ADAMTS17: variants seen among roughly 807,000 people sequenced by gnomAD.
The protein encoded by ADAMTS17 is A disintegrin and metalloproteinase with thrombospondin motifs 17.
A neutral mutation model predicts 141.5 loss-of-function variants in ADAMTS17; 113 were observed. The ratio of observed to expected loss-of-function variants is 0.80; its 90% CI spans 0.69 to 0.93. ADAMTS17 has a LOEUF of 0.93. Among genes scored for constraint, ADAMTS17 ranks in the 40% least tolerant of loss-of-function variants. The pLI is 0.00. For missense variants in ADAMTS17, 1,659 were observed against 1,517.9 expected (o/e 1.09, Z -1.54); for synonymous variants, 768 against 630.6 (o/e 1.22, Z -3.27).
At chr15:100,334,399 A>C (rs1198682428) in intron 2 of ADAMTS17, among the ~76,000 whole-genome samples, 1 of 152,170 alleles carries the variant, frequency 6.6e-6, no homozygotes, top group African/African-American at 2.4e-5. Flanking sequence ...CTCAGTTAAC[A>C]TGAGTGGGTC....
intron 12 of ADAMTS17, chr15:100,129,348 G>C (rs2037913282): frequency 6.6e-6 from 1 of 152,220 alleles, no homozygotes; most frequent in Non-Finnish European, 1.5e-5. Context: ...AATAACAAGA[G>C]GGGCTGCTTA....
intron 4 of ADAMTS17, among the ~76,000 whole-genome samples, chr15:100,264,283 TG>T (rs2043634424): frequency 6.6e-6 from 1 of 152,146 alleles, no homozygotes; most frequent in South Asian, 2.1e-4. Flanking sequence ...AACTTGTTCC[TG>T]TTTTGATAGT....
intron 3 of ADAMTS17, among the ~76,000 whole-genome samples, chr15:100,283,176 A>G (rs1305410058): frequency 6.6e-6 from 1 of 152,250 alleles, no homozygotes; most frequent in Non-Finnish European, 1.5e-5. Flanking sequence ...TGCAAAATGA[A>G]GTCTTCTCAG....
At chr15:100,229,229 G>A (rs377323393) in intron 7 of ADAMTS17, among the ~76,000 whole-genome samples, 3 of 152,110 alleles carry the variant, frequency 2.0e-5, no homozygotes, top group South Asian at 2.1e-4. Flanking sequence ...CAAATAGGAC[G>A]CAAAGATGGT....
At chr15:100,211,099 C>CAATAAAT (rs1555483886) in intron 7 of ADAMTS17, among the ~76,000 whole-genome samples, 2 of 131,868 alleles carry the variant, frequency 1.5e-5, no homozygotes, top group Non-Finnish European at 3.2e-5. Flanking sequence ...GACTCAGTCT[C>CAATAAAT]AAATAAATAA....
chr15:100,251,883 G>A (rs1596364660), intron 7 of ADAMTS17, among the ~76,000 whole-genome samples: 1 of 152,334 alleles, frequency 6.6e-6, no homozygotes, highest in African/African-American at 2.4e-5. Flanking sequence ...GGAGAAGGCA[G>A]CCAGCTACGG....
chr15:100,159,200 C>T (rs2039578063), intron 8 of ADAMTS17, among the ~76,000 whole-genome samples: 1 of 152,178 alleles, frequency 6.6e-6, no homozygotes, highest in South Asian at 2.1e-4. Context: ...TTCACAATAG[C>T]CAAGATATGA....
intron 7 of ADAMTS17, among the ~76,000 whole-genome samples, chr15:100,207,620 T>C (rs759156531): frequency 6.6e-6 from 1 of 152,184 alleles, no homozygotes; most frequent in South Asian, 2.1e-4. Flanking sequence ...GTTGAACTAG[T>C]TACAAAAACG....
chr15:100,248,665 T>G (rs1216134001), intron 7 of ADAMTS17, among the ~76,000 whole-genome samples: 2 of 152,218 alleles, frequency 1.3e-5, no homozygotes, highest in Non-Finnish European at 2.9e-5. Flanking sequence ...CAGATCCTCC[T>G]GCCTTACAGT....
At chr15:100,163,787 A>G (rs976055464) in intron 8 of ADAMTS17, among the ~76,000 whole-genome samples, 1 of 152,188 alleles carries the variant, frequency 6.6e-6, no homozygotes, top group Non-Finnish European at 1.5e-5. Context: ...GATCATTTGG[A>G]CCATTCTATT....
intron 18 of ADAMTS17, among the ~76,000 whole-genome samples, chr15:100,026,705 CT>C (rs2061521593): frequency 1.3e-5 from 2 of 152,218 alleles, no homozygotes; most frequent in South Asian, 4.1e-4. Flanking sequence ...GGCATGGCTT[CT>C]GTTTTTAAGT....
In ADAMTS17 at chr15:100,155,208, T is replaced by G; in HGVS notation, c.1294A>C (p.Ser432Arg). The change falls in exon 9 of 22, where the codon AGC becomes CGC. Residue 432 changes from serine to arginine, a missense_variant. Physicochemically the swap from Ser to Arg is moderately radical, Grantham distance 110 (BLOSUM62 -1). Transcript: ENST00000268070. ...AGGAAGTTTTCAAGGTCATCTCGGC[T>G]GCAGGAGGACCAAGAGAGGTCACTT... ...NPSDLSWSSC[S>R]RDDLENFLKS... 6.2e-7 allele frequency: 1 copy of G among 1,614,226 alleles called. No homozygotes were observed. Among genetic ancestry groups the G allele is most frequent in the Non-Finnish European group, 8.5e-7 (1 of 1,180,036 alleles).
At chr15:100,295,519 G>T (rs1191904908) in intron 3 of ADAMTS17, among the ~76,000 whole-genome samples, 1 of 152,170 alleles carries the variant, frequency 6.6e-6, no homozygotes, top group African/African-American at 2.4e-5. Flanking sequence ...CTCCCTCAGA[G>T]GTGCAGCCAT....
At chr15:100,296,267 T>A (rs2044807423) in intron 3 of ADAMTS17, among the ~76,000 whole-genome samples, 3 of 152,142 alleles carry the variant, frequency 2.0e-5, no homozygotes, top group South Asian at 4.1e-4. Flanking sequence ...GACCACTTTT[T>A]TTTTTTAACA....
chr15:100,206,643 G>A (rs1422129046), intron 7 of ADAMTS17, among the ~76,000 whole-genome samples: 3 of 152,188 alleles, frequency 2.0e-5, no homozygotes, highest in Admixed American at 6.5e-5. Flanking sequence ...TTAGGTGGGG[G>A]TGAGGCTGAG....
At chr15:100,205,558 T>A (rs999224595) in intron 7 of ADAMTS17, among the ~76,000 whole-genome samples, 1 of 152,162 alleles carries the variant, frequency 6.6e-6, no homozygotes, top group African/African-American at 2.4e-5. Context: ...CAAATCACAG[T>A]GTGCCTCTCT....
intron 13 of ADAMTS17, among the ~76,000 whole-genome samples, chr15:100,111,337 T>G (rs1315856915): frequency 2.0e-5 from 3 of 152,222 alleles, no homozygotes; most frequent in African/African-American, 7.2e-5. Flanking sequence ...AAGGAATGAC[T>G]CATTTCCCGT....
chr15:100,135,790 G>C (rs751684136), intron 10 of ADAMTS17, among the ~76,000 whole-genome samples: 1 of 152,180 alleles, frequency 6.6e-6, no homozygotes, highest in Non-Finnish European at 1.5e-5. Flanking sequence ...TCATAAAAGA[G>C]AATGTTTAAA....
intron 7 of ADAMTS17, among the ~76,000 whole-genome samples, chr15:100,239,989 C>A (rs1056326611): frequency 2.6e-4 from 39 of 152,180 alleles, no homozygotes; most frequent in African/African-American, 9.2e-4. Flanking sequence ...GTCTCTCCCC[C>A]AGTCACAGCA....
Sources: gnomAD v4.1 joint callset for allele counts (sites outside exome capture counted in the v4.1 genomes callset) on GRCh38, gnomAD v4.1.1 for gene constraint, MANE v1.5 for transcripts, NCBI Gene and HGNC (gene_info 2026-07-23, HGNC 2026-07-21) for gene names.